Variants in ZNF48 observed in about 807,000 individuals in gnomAD.
ZNF48 encodes zinc finger protein 553.
Under a neutral mutation model 40.0 loss-of-function variants are expected in ZNF48, and 20 were observed. The observed-to-expected ratio is 0.50, with a 90% CI of 0.35 to 0.73. The LOEUF is 0.73. ZNF48 is among the 30% of genes least tolerant of loss of function. The probability of loss-of-function intolerance (pLI) is 0.01; values close to 1 mark genes in which losing one functional copy is unlikely to be tolerated. For missense variants in ZNF48, 726 were observed against 851.9 expected, an observed-to-expected ratio of 0.85 and a Z score of 1.84; for synonymous variants, 298 against 329.7, an observed-to-expected ratio of 0.90 and a Z score of 1.04.
At chr16:30,378,795 A>G (rs1008245192) in intron 1 of ZNF48, 10 of 1,156,724 alleles carry the variant, frequency 8.6e-6, no homozygotes, top group Non-Finnish European at 1.2e-5. Flanking sequence ...GTTGGGGTCT[A>G]GGAGGCGGAG....
At chr16:30,384,605 G>A (rs148804106) in intron 1 of ZNF48, among the ~76,000 whole-genome samples, 2,080 of 152,114 alleles carry the variant, frequency 0.014, 47 homozygotes, top group African/African-American at 0.048. Context: ...GGCTGGGTGC[G>A]GTGGCTCATG....
chr16:30,387,161 T>C, intron 1 of ZNF48, among the ~76,000 whole-genome samples: 1 of 149,604 alleles, frequency 6.7e-6, no homozygotes. Flanking sequence ...GCCAGGATGG[T>C]CTCGATCTCC....
chr16:30,385,925 A>T (rs1369997279), intron 1 of ZNF48, among the ~76,000 whole-genome samples: 1 of 151,972 alleles, frequency 6.6e-6, no homozygotes, highest in Non-Finnish European at 1.5e-5. Context: ...TAGGAGTTCA[A>T]GACCAGTCTG....
chr16:30,392,272 A>G (rs2049948750), upstream of ZNF48, among the ~76,000 whole-genome samples: 1 of 152,020 alleles, frequency 6.6e-6, no homozygotes, highest in Non-Finnish European at 1.5e-5. Context: ...ATCCACCCAC[A>G]TCGGCATCCC....
upstream of ZNF48, chr16:30,395,173 G>A (rs753077085): frequency 4.4e-6 from 2 of 454,056 alleles, no homozygotes; most frequent in East Asian, 1.4e-4. This position sits in a 1 kb window ranked among gnomAD's most constrained non-coding sequence, Gnocchi z 5.9. Flanking sequence ...AGGTCGGCGC[G>A]GGTGGCTGGA....
chr16:30,381,352 G>A lies in ZNF48; in HGVS notation c.-16+2942G>A, dbSNP rs1597007505. 5.0e-6 allele frequency: 8 copies of A among 1,613,246 alleles called. No homozygotes were observed. The highest frequency in any genetic ancestry group is 5.9e-6 in the Non-Finnish European group (7 of 1,179,584). Reference sequence around the variant, plus strand: ...CCCCCACCAGACCCCCGGCCGAAGGGTGAGATGAAGTAGAGGCAGCAGTGG... The same window carrying A: ...CCCCCACCAGACCCCCGGCCGAAGGATGAGATGAAGTAGAGGCAGCAGTGG... On this transcript the variant is annotated intron_variant, in intron 1 of 2. Transcript: ENST00000528032. The surrounding 1 kb of genome is among the most constrained non-coding windows in gnomAD (Gnocchi z 4.3).
chr16:30,379,587 T>C (rs2049811949), intron 1 of ZNF48: 2 of 1,322,192 alleles, frequency 1.5e-6, no homozygotes, highest in Admixed American at 1.7e-5. Flanking sequence ...AGAAACTTTC[T>C]CTTTCCCAGC....
chr16:30,396,907 G>C (rs1374739909), intron 2 of ZNF48, among the ~76,000 whole-genome samples: 2 of 151,768 alleles, frequency 1.3e-5, no homozygotes, highest in Non-Finnish European at 2.9e-5. Flanking sequence ...GCCCAGGCTG[G>C]TTTCTAACTC....
Position 30,382,837 on chromosome 16 carries a change from C to T in ZNF48, c.-16+4427C>T. On this transcript the variant is annotated intron_variant, in intron 1 of 2. Transcript: ENST00000528032. The surrounding 1 kb of genome is among the most constrained non-coding windows in gnomAD (Gnocchi z 4.8). Reference sequence around the variant, plus strand: ...GTGCAGAGAGGAAGGAAGTGGCTCCCTTTGTTAGCAGGGGAGATGAAGGTT... The same window carrying T: ...GTGCAGAGAGGAAGGAAGTGGCTCCTTTTGTTAGCAGGGGAGATGAAGGTT... 7.4e-6 allele frequency: 11 copies of T among 1,496,220 alleles called. No homozygotes were observed. The highest frequency in any genetic ancestry group is 9.9e-6 in the Non-Finnish European group (11 of 1,110,774). The allele number at this position is 1,496,220 out of a possible 1,614,324, so 92.7% of individuals were successfully genotyped here. A position where few individuals can be genotyped will look rare whatever the true frequency, so the allele number is the denominator to read the frequency against.
At position 30,382,425 on chromosome 16, in the gene ZNF48, C is replaced by T; in HGVS notation, c.-16+4015C>T. The T allele has an allele frequency of 7.0e-6, 11 of 1,566,956 alleles. No individual in the cohort carries two copies. The highest frequency in any genetic ancestry group is 9.6e-6 in the Non-Finnish European group (11 of 1,145,314). Reference sequence around the variant, plus strand: ...CAATGGCAGGCAGGGTCCCCAGGATCACTTGAGTTCCTGGGCTAGGAAGAG... The same window carrying T: ...CAATGGCAGGCAGGGTCCCCAGGATTACTTGAGTTCCTGGGCTAGGAAGAG... On this transcript the variant is annotated intron_variant, in intron 1 of 2. Transcript: ENST00000528032. This position sits in a 1 kb window ranked among gnomAD's most constrained non-coding sequence, Gnocchi z 4.8.
chr16:30,395,908 T>G lies in ZNF48; in HGVS notation c.79+35T>G, dbSNP rs1468752667. ...TCGGCCGTGCGCCGCCACGGACAGG[T>G]AACGGCCGGTGGGGACTGCGATGCT... On this transcript the variant is annotated intron_variant, in intron 2 of 2. Coordinates refer to ENST00000613509, the MANE Select transcript of ZNF48 (RefSeq NM_001214909.2). The surrounding 1 kb of genome is among the most constrained non-coding windows in gnomAD (Gnocchi z 5.9). 1 of 1,487,376 alleles carries G rather than the reference T, an allele frequency of 6.7e-7. No homozygotes were observed. The highest frequency in any genetic ancestry group is 2.1e-5 in the Admixed American group (1 of 47,320). The allele number at this position is 1,487,376 out of a possible 1,614,324, so 92.1% of individuals were successfully genotyped here.
In ZNF48 at chr16:30,397,104, C is replaced by T. The variant is rs1005113760; in HGVS notation, c.80-226C>T. Among the ~76,000 whole-genome samples, 6 of 152,076 alleles carry T rather than the reference C, an allele frequency of 3.9e-5. No homozygotes were observed. The highest frequency in any genetic ancestry group is 7.2e-5 in the African/African-American group (3 of 41,386). ...ATAGTGTTATAGTATTGTTTGCAAGCGTTTAATACTAATGCTGAGTTTGGT... is the reference window on the plus strand; with the variant it reads ...ATAGTGTTATAGTATTGTTTGCAAGTGTTTAATACTAATGCTGAGTTTGGT... On this transcript the variant is annotated intron_variant, in intron 2 of 2. Transcript: ENST00000613509. This position sits in a 1 kb window ranked among gnomAD's most constrained non-coding sequence, Gnocchi z 4.1.
upstream of ZNF48, among the ~76,000 whole-genome samples, chr16:30,392,075 CGCAGTGGCG>C (rs879817015): frequency 3.3e-5 from 5 of 152,226 alleles, no homozygotes; most frequent in Non-Finnish European, 5.9e-5. Context: ...CAGGCTGGAG[CGCAGTGGCG>C]CGATCTCGGC....
At chr16:30,379,144 C>A in intron 1 of ZNF48, 1 of 1,614,130 alleles carries the variant, frequency 6.2e-7, no homozygotes, top group Non-Finnish European at 8.5e-7. Flanking sequence ...CACCAGCATC[C>A]GTCGCAGGTT....
intron 1 of ZNF48, among the ~76,000 whole-genome samples, chr16:30,389,216 A>AC (rs1208309801): frequency 6.6e-6 from 1 of 150,978 alleles, no homozygotes; most frequent in Non-Finnish European, 1.5e-5. Flanking sequence ...ACACGGTGAA[A>AC]CCCCTCTCTA....
chr16:30,391,859 A>C, upstream of ZNF48, among the ~76,000 whole-genome samples: 1 of 128,226 alleles, frequency 7.8e-6, no homozygotes, highest in Non-Finnish European at 1.6e-5. Flanking sequence ...TGGGGGTGGG[A>C]TAGGGTCTTG....
chr16:30,398,220 G>C lies in ZNF48; in HGVS notation c.970G>C (p.Val324Leu), dbSNP rs1465503738. 1 of 1,613,652 alleles carries C rather than the reference G, an allele frequency of 6.2e-7. No homozygotes were observed. Among genetic ancestry groups the C allele is most frequent in the Admixed American group, 1.7e-5 (1 of 60,010 alleles). ...RGSDLVKHLR[V>L]HTGEKPYLCP... ...ATCCGACCTGGTGAAGCACCTGCGG[G>C]TGCACACGGGTGAGAAGCCCTACCT... Residue 324 changes from valine to leucine, a missense_variant, in exon 3 of 3, where the codon GTG (valine) becomes CTG (leucine). Physicochemically the swap from Val to Leu is conservative, Grantham distance 32. Coordinates refer to ENST00000613509, the MANE Select transcript of ZNF48 (RefSeq NM_001214909.2). The surrounding 1 kb of genome is among the most constrained non-coding windows in gnomAD (Gnocchi z 6.6).
intron 1 of ZNF48, among the ~76,000 whole-genome samples, chr16:30,385,217 ATAATATAAAT>A (rs1395755120): frequency 7.7e-6 from 1 of 129,920 alleles, no homozygotes; most frequent in African/African-American, 3.1e-5. Context: ...AATAATAATA[ATAATATAAAT>A]AAATAAATAA....
upstream of ZNF48, among the ~76,000 whole-genome samples, chr16:30,391,842 G>C (rs546831805): frequency 6.8e-6 from 1 of 146,948 alleles, no homozygotes; most frequent in Admixed American, 6.8e-5. Context: ...TTTTTTTGGC[G>C]GGGGGGTGGG....
Sources: gnomAD v4.1 joint callset for allele counts (sites outside exome capture counted in the v4.1 genomes callset) on GRCh38, gnomAD v4.1.1 for gene constraint, Gnocchi (gnomAD v3.1) non-coding constraint, MANE v1.5 for transcripts, NCBI Gene and HGNC (gene_info 2026-07-23, HGNC 2026-07-21) for gene names.